Variants in ADCY1 observed in about 807,000 individuals in gnomAD.
ADCY1 encodes adenylate cyclase 1.
Under a neutral mutation model 105.4 loss-of-function variants are expected in ADCY1, and 28 were observed. That is an observed-to-expected ratio of 0.27 (90% CI 0.20 to 0.36). The LOEUF is 0.36. ADCY1 is among the 10% of genes least tolerant of loss of function. The probability of loss-of-function intolerance (pLI) is 1.00; values close to 1 mark genes in which losing one functional copy is unlikely to be tolerated. For missense variants in ADCY1, 977 were observed against 1,434.2 expected, an observed-to-expected ratio of 0.68 and a Z score of 5.15; for synonymous variants, 655 against 623.8, an observed-to-expected ratio of 1.05 and a Z score of -0.75.
chr7:45,599,986 C>G (rs1423516404), intron 2 of ADCY1, among the ~76,000 whole-genome samples: 1 of 152,200 alleles, frequency 6.6e-6, no homozygotes, highest in Non-Finnish European at 1.5e-5. Flanking sequence ...GAGGTGGTGG[C>G]CAACATGTGG....
At chr7:45,685,933 C>T (rs773994789) in intron 12 of ADCY1, 29 bp from the exon 13 acceptor site, 3 of 1,597,326 alleles carry the variant, frequency 1.9e-6, no homozygotes, top group Non-Finnish European at 2.6e-6. Context: ...CTGCCCTTTG[C>T]TAAGCCCCTG....
At chr7:45,642,514 T>G (rs1263839027) in intron 4 of ADCY1, among the ~76,000 whole-genome samples, 3 of 152,208 alleles carry the variant, frequency 2.0e-5, no homozygotes, top group Non-Finnish European at 4.4e-5. Flanking sequence ...CTGTGACATT[T>G]TTTTATGTGC....
Position 45,647,295 on chromosome 7 carries a change from G to C in ADCY1, c.1021-1375G>C, listed in dbSNP as rs1315701078. 1.3e-5 allele frequency among the ~76,000 whole-genome samples: 2 copies of C among 152,224 alleles called. No homozygotes were observed. Among genetic ancestry groups the C allele is most frequent in the Admixed American group, 1.3e-4 (2 of 15,288 alleles). On this transcript the variant is annotated intron_variant, in intron 4 of 19. Transcript: ENST00000297323. The surrounding 1 kb of genome is among the most constrained non-coding windows in gnomAD (Gnocchi z 4.6). ...GGTCGGTGTGGCCTGTCCCTGTCCTGACTCACTCTGTGCTGGCCATGGTTC... is the reference window on the plus strand; with the variant it reads ...GGTCGGTGTGGCCTGTCCCTGTCCTCACTCACTCTGTGCTGGCCATGGTTC...
At position 45,575,421 on chromosome 7, in the gene ADCY1, AG is replaced by A. The variant is rs1181450416; in HGVS notation, c.639+243del. Among the ~76,000 whole-genome samples the A allele has an allele frequency of 6.6e-6, 1 of 152,186 alleles. No individual in the cohort carries two copies. Among genetic ancestry groups the A allele is most frequent in the Non-Finnish European group, 1.5e-5 (1 of 68,022 alleles). Reference sequence around the variant, plus strand: ...AGCGCCCCTGGCGTGAAGTGTGGAGAGGGGAGACAGGTGTGGAGAGAGAAAG... The same window carrying A: ...AGCGCCCCTGGCGTGAAGTGTGGAGAGGGAGACAGGTGTGGAGAGAGAAAG... On this transcript the variant is annotated intron_variant, in intron 1 of 19. Coordinates refer to ENST00000297323, the MANE Select transcript of ADCY1 (RefSeq NM_021116.4). This position sits in a 1 kb window ranked among gnomAD's most constrained non-coding sequence, Gnocchi z 4.7.
At chr7:45,578,705 G>A (rs564419630) in intron 1 of ADCY1, among the ~76,000 whole-genome samples, 1 of 152,320 alleles carries the variant, frequency 6.6e-6, no homozygotes, top group East Asian at 1.9e-4. Context: ...ACAGGAGTCC[G>A]CTTCCCACCC....
chr7:45,584,831 C>G (rs955349217), intron 1 of ADCY1, among the ~76,000 whole-genome samples: 3 of 152,256 alleles, frequency 2.0e-5, no homozygotes, highest in African/African-American at 7.2e-5. Context: ...TGTCCAGTCT[C>G]TGGAAGCAGC....
At chr7:45,683,606 CACTT>C (rs1204701342) in intron 11 of ADCY1, among the ~76,000 whole-genome samples, 12 of 152,108 alleles carry the variant, frequency 7.9e-5, no homozygotes, top group Non-Finnish European at 1.6e-4. Flanking sequence ...TTTGTCGTGT[CACTT>C]ACTTGTGCCT....
At chr7:45,642,173 A>G (rs956194658) in intron 4 of ADCY1, among the ~76,000 whole-genome samples, 1 of 152,076 alleles carries the variant, frequency 6.6e-6, no homozygotes, top group African/African-American at 2.4e-5. Flanking sequence ...AGGCAGAAGG[A>G]GGAAGGAGAC....
intron 4 of ADCY1, among the ~76,000 whole-genome samples, chr7:45,623,426 T>G (rs1793960185): frequency 6.6e-6 from 1 of 152,230 alleles, no homozygotes; most frequent in Admixed American, 6.5e-5. Context: ...TTAGTCACAT[T>G]GGCCACAAGG....
chr7:45,613,672 G>GAT (rs1248164990), intron 3 of ADCY1, among the ~76,000 whole-genome samples: 8 of 152,002 alleles, frequency 5.3e-5, no homozygotes, highest in Non-Finnish European at 8.8e-5. Context: ...AAGAAACTGA[G>GAT]ATGACACCAA....
chr7:45,706,512 A>AAAAAAAAAAAAAAAAAAG (rs1554332713), intron 17 of ADCY1, among the ~76,000 whole-genome samples: 1 of 135,448 alleles, frequency 7.4e-6, no homozygotes, highest in Non-Finnish European at 1.6e-5. Context: ...AAAAAAAAAA[A>AAAAAAAAAAAAAAAAAAG]AGAATATAGA....
intron 8 of ADCY1, chr7:45,664,695 T>C (rs1032353914): frequency 1.6e-5 from 4 of 243,750 alleles, no homozygotes; most frequent in African/African-American, 6.7e-5. Context: ...GGTTGCTTGT[T>C]TTTTTTTTTA....
intron 3 of ADCY1, 103 bp downstream of exon 3, chr7:45,610,600 A>G (rs1584267780): frequency 1.1e-6 from 1 of 941,616 alleles, no homozygotes; most frequent in Non-Finnish European, 1.7e-6. Flanking sequence ...GAAGGGATGG[A>G]TGGAGGTGGG....
intron 4 of ADCY1, among the ~76,000 whole-genome samples, chr7:45,644,199 T>C (rs1794598501): frequency 6.6e-6 from 1 of 152,182 alleles, no homozygotes; most frequent in Non-Finnish European, 1.5e-5. Flanking sequence ...AGTGTGCGAG[T>C]CCATGACCTC....
At chr7:45,692,753 C>A (rs116964010) in intron 14 of ADCY1, among the ~76,000 whole-genome samples, 1 of 151,978 alleles carries the variant, frequency 6.6e-6, no homozygotes, top group South Asian at 2.1e-4. Flanking sequence ...GTAATTTGAT[C>A]GTAGTAGTTA....
At chr7:45,664,692 TG>T in intron 8 of ADCY1, 1 of 270,538 alleles carries the variant, frequency 3.7e-6, no homozygotes. Flanking sequence ...TTTGGTTGCT[TG>T]TTTTTTTTTT....
chr7:45,701,667 C>T (rs2116254200), intron 14 of ADCY1, among the ~76,000 whole-genome samples: 1 of 152,208 alleles, frequency 6.6e-6, no homozygotes, highest in South Asian at 2.1e-4. Context: ...TAATGTGGGT[C>T]CTATAGAGAG....
rs920429189 is a variant in ADCY1, at chr7:45,592,634, G to A, written c.640-125G>A. ...TGACTCCCTGTGTCCCTGGCCCTGC[G>A]CTGTGGGTTTGGCCCGGGCGGCGTG... On this transcript the variant is annotated intron_variant, in intron 1 of 19. Transcript: ENST00000297323. The A allele has an allele frequency of 3.6e-5, 48 of 1,322,930 alleles. No individual in the cohort carries two copies. The South Asian group carries it at 3.9e-4, about 11-fold the overall frequency. The allele number at this position is 1,322,930 out of a possible 1,614,324, so 81.9% of individuals were successfully genotyped here.
intron 8 of ADCY1, among the ~76,000 whole-genome samples, chr7:45,668,823 A>C (rs532215688): frequency 9.3e-4 from 141 of 152,302 alleles, no homozygotes; most frequent in Non-Finnish European, 1.7e-3. Flanking sequence ...TTATTTGTCT[A>C]TTCAGAGATT....
Sources: gnomAD v4.1 joint callset for allele counts (sites outside exome capture counted in the v4.1 genomes callset) on GRCh38, gnomAD v4.1.1 for gene constraint, Gnocchi (gnomAD v3.1) non-coding constraint, MANE v1.5 for transcripts, NCBI Gene and HGNC (gene_info 2026-07-23, HGNC 2026-07-21) for gene names.